AGBL4: variants seen among roughly 807,000 people sequenced by gnomAD.
AGBL4 encodes cytosolic carboxypeptidase 6.
In AGBL4, 58 loss-of-function variants were observed where a neutral mutation model predicts 66.4. That is an observed-to-expected ratio of 0.87 (90% CI 0.71 to 1.09). The LOEUF is 1.09. Ranked by LOEUF, AGBL4 falls within the 50% of genes least tolerant of loss-of-function variation. The pLI is 0.00. For missense variants in AGBL4, 579 were observed against 631.0 expected (o/e 0.92, Z 0.88); for synonymous variants, 234 against 222.9 (o/e 1.05, Z -0.44).
chr1:49,604,385 C>T (rs1645025546), intron 3 of AGBL4, among the ~76,000 whole-genome samples: 1 of 152,116 alleles, frequency 6.6e-6, no homozygotes, highest in Non-Finnish European at 1.5e-5. Context: ...CTTTTGAGAA[C>T]TATCTATTAA....
chr1:49,760,370 C>T (rs1571505424), intron 2 of AGBL4, among the ~76,000 whole-genome samples: 1 of 151,974 alleles, frequency 6.6e-6, no homozygotes, highest in African/African-American at 2.4e-5. Flanking sequence ...AGTCTTTGCC[C>T]ATGCCTATGT....
intron 3 of AGBL4, among the ~76,000 whole-genome samples, chr1:49,586,486 G>C (rs1190883788): frequency 6.6e-6 from 1 of 152,146 alleles, no homozygotes; most frequent in African/African-American, 2.4e-5. Context: ...TCCTCAAAAA[G>C]ATCTTGTGAA....
chr1:48,825,030 C>A (rs1023858577), intron 6 of AGBL4, among the ~76,000 whole-genome samples: 1 of 152,198 alleles, frequency 6.6e-6, no homozygotes, highest in Admixed American at 6.5e-5. Context: ...ACATCAAGTG[C>A]CTAGCACATG....
At chr1:48,939,877 A>G (rs1326905215) in intron 5 of AGBL4, among the ~76,000 whole-genome samples, 1 of 152,226 alleles carries the variant, frequency 6.6e-6, no homozygotes, top group Non-Finnish European at 1.5e-5. Flanking sequence ...GACATCTGAT[A>G]ATATCTGGAG....
At chr1:49,335,577 G>A (rs1007156212) in intron 3 of AGBL4, among the ~76,000 whole-genome samples, 9 of 151,556 alleles carry the variant, frequency 5.9e-5, no homozygotes, top group African/African-American at 2.2e-4. Flanking sequence ...GTGCAGTGGT[G>A]CAATCTTGGC....
chr1:49,586,314 G>A (rs1327827727), intron 3 of AGBL4, among the ~76,000 whole-genome samples: 1 of 152,184 alleles, frequency 6.6e-6, no homozygotes, highest in Non-Finnish European at 1.5e-5. Flanking sequence ...AGTATGCCTA[G>A]AGAATGACTA....
intron 5 of AGBL4, among the ~76,000 whole-genome samples, chr1:48,892,603 G>A (rs914405994): frequency 6.6e-6 from 1 of 152,184 alleles, no homozygotes; most frequent in Non-Finnish European, 1.5e-5. Flanking sequence ...GAAGCGGGGA[G>A]GGGGCTTCAG....
intron 4 of AGBL4, among the ~76,000 whole-genome samples, chr1:49,080,438 T>C (rs763349626): frequency 1.3e-5 from 2 of 152,122 alleles, no homozygotes; most frequent in Non-Finnish European, 2.9e-5. Context: ...CCAAAGGACA[T>C]AGCCAGCCCT....
chr1:48,829,040 G>A (rs774326508), intron 6 of AGBL4, among the ~76,000 whole-genome samples: 1 of 152,108 alleles, frequency 6.6e-6, no homozygotes, highest in Non-Finnish European at 1.5e-5. Context: ...TCTGAGTCTG[G>A]AACTAGAGTG....
chr1:48,681,184 A>G (rs1265086222), intron 6 of AGBL4, among the ~76,000 whole-genome samples: 3 of 152,108 alleles, frequency 2.0e-5, no homozygotes, highest in African/African-American at 7.2e-5. Flanking sequence ...CCCTTCTCCA[A>G]ACTTTCATTT....
Position 49,889,902 on chromosome 1 carries a change from A to T in AGBL4, c.35-38384T>A, listed in dbSNP as rs997233715. 1.5e-4 allele frequency among the ~76,000 whole-genome samples: 23 copies of T among 152,366 alleles called. 1 individual carries two copies. In the South Asian group the frequency reaches 4.6e-3, roughly 30 times the overall value. On this transcript the variant is annotated intron_variant, in intron 1 of 13. Coordinates refer to ENST00000371839, the MANE Select transcript of AGBL4 (RefSeq NM_032785.4). ...TATAAAACCTTGAATGAATGGATGA[A>T]TAAGTGATTAAATTAAGGAATACAA...
chr1:48,762,898 T>C (rs1199293442), intron 6 of AGBL4, among the ~76,000 whole-genome samples: 2 of 151,992 alleles, frequency 1.3e-5, no homozygotes, highest in African/African-American at 4.8e-5. Flanking sequence ...TGAGGACAGG[T>C]AGGTAAGGGC....
intron 5 of AGBL4, among the ~76,000 whole-genome samples, chr1:48,872,775 C>T (rs1227731640): frequency 6.6e-6 from 1 of 152,070 alleles, no homozygotes; most frequent in Non-Finnish European, 1.5e-5. Context: ...CTCTGTTATC[C>T]TAGGCAAGTT....
At position 49,769,425 on chromosome 1, in the gene AGBL4, A is replaced by G. The variant is rs142230311; in HGVS notation, c.158-71988T>C. On this transcript the variant is annotated intron_variant, in intron 2 of 13. Coordinates refer to ENST00000371839, the MANE Select transcript of AGBL4 (RefSeq NM_032785.4). Reference sequence around the variant, plus strand: ...TTAAAAATCCAATGCTATTCTTATCAAACTACCAATGTTATTTGTCACAAA... The same window carrying G: ...TTAAAAATCCAATGCTATTCTTATCGAACTACCAATGTTATTTGTCACAAA... Among the ~76,000 whole-genome samples the G allele has an allele frequency of 6.5e-3, 987 of 152,340 alleles. 16 individuals are homozygous for G. The highest frequency in any genetic ancestry group is 0.023 in the African/African-American group (955 of 41,580).
intron 4 of AGBL4, among the ~76,000 whole-genome samples, chr1:49,132,940 G>A (rs956574725): frequency 3.3e-5 from 5 of 152,170 alleles, no homozygotes; most frequent in African/African-American, 9.7e-5. Context: ...ACATGCACAC[G>A]TAGGTTTATT....
chr1:48,781,491 G>C (rs905017461), intron 6 of AGBL4, among the ~76,000 whole-genome samples: 1 of 152,222 alleles, frequency 6.6e-6, no homozygotes, highest in Non-Finnish European at 1.5e-5. Flanking sequence ...AGATACTCAA[G>C]ATATTGATGA....
chr1:49,669,846 G>T (rs756828312), intron 3 of AGBL4, among the ~76,000 whole-genome samples: 10 of 151,994 alleles, frequency 6.6e-5, no homozygotes, highest in Non-Finnish European at 1.3e-4. Context: ...ACCTAGAGCT[G>T]TCAGTCTTCA....
At chr1:49,417,591 G>A (rs1645454754) in intron 3 of AGBL4, among the ~76,000 whole-genome samples, 3 of 152,092 alleles carry the variant, frequency 2.0e-5, no homozygotes, top group Admixed American at 2.0e-4. Context: ...ATATGGCATG[G>A]TCTAAAATAT....
rs149129601 is a variant in AGBL4, at chr1:49,276,621, A to G, written c.283-30757T>C. 1.4e-4 allele frequency among the ~76,000 whole-genome samples: 22 copies of G among 152,326 alleles called. No homozygotes were observed. The East Asian group carries it at 4.2e-3, about 29-fold the overall frequency. On this transcript the variant is annotated intron_variant, in intron 3 of 13. Coordinates refer to ENST00000371839, the MANE Select transcript of AGBL4 (RefSeq NM_032785.4). ...ACACCTTTAAAGGTCTGATAGAAAC[A>G]CGTACCATCTATTCTCTCTGAGAGC...
Sources: gnomAD v4.1 joint callset for allele counts (sites outside exome capture counted in the v4.1 genomes callset) on GRCh38, gnomAD v4.1.1 for gene constraint, MANE v1.5 for transcripts, NCBI Gene and HGNC (gene_info 2026-07-23, HGNC 2026-07-21) for gene names.